PCDH7: variants seen among roughly 807,000 people sequenced by gnomAD.
PCDH7 encodes protocadherin 7, also known as protocadherin-7.
PCDH7 carries 17 observed loss-of-function variants against 58.9 expected under a neutral mutation model. The ratio of observed to expected loss-of-function variants is 0.29; its 90% CI spans 0.20 to 0.43. The LOEUF is 0.43. Ranked by LOEUF, PCDH7 falls within the 20% of genes least tolerant of loss-of-function variation. PCDH7 has a pLI of 1.00. For missense variants in PCDH7, 1,274 were observed against 1,441.0 expected (o/e 0.88, Z 1.88); for synonymous variants, 664 against 616.4 (o/e 1.08, Z -1.14).
intron 1 of PCDH7, among the ~76,000 whole-genome samples, chr4:30,825,074 T>C (rs1205826022): frequency 1.3e-5 from 2 of 152,140 alleles, no homozygotes; most frequent in Non-Finnish European, 2.9e-5. Context: ...ACCCATACCA[T>C]TTATTTTAAG....
chr4:31,085,837 TTC>T (rs376691150), intron 3 of PCDH7, among the ~76,000 whole-genome samples: 33 of 145,450 alleles, frequency 2.3e-4, no homozygotes, highest in Middle Eastern at 7.2e-3. Context: ...TCAGACTCTT[TTC>T]TCTCTCTCTC....
intron 3 of PCDH7, among the ~76,000 whole-genome samples, chr4:30,950,831 C>T (rs1747284097): frequency 6.6e-6 from 1 of 152,136 alleles, no homozygotes; most frequent in South Asian, 2.1e-4. Context: ...GGACTAGGGA[C>T]TGTTTGTTCA....
intron 1 of PCDH7, among the ~76,000 whole-genome samples, chr4:30,768,418 G>T (rs1431484396): frequency 2.0e-5 from 3 of 149,292 alleles, no homozygotes; most frequent in African/African-American, 7.5e-5. Context: ...AGGTCGAGTG[G>T]ATAGCCTCAG....
intron 1 of PCDH7, among the ~76,000 whole-genome samples, chr4:30,777,734 C>T (rs1361183608): frequency 6.6e-6 from 1 of 152,062 alleles, no homozygotes; most frequent in Non-Finnish European, 1.5e-5. Context: ...CTTTCATTTA[C>T]TACGTTACAT....
intron 1 of PCDH7, among the ~76,000 whole-genome samples, chr4:30,866,824 C>T (rs1734941099): frequency 3.9e-5 from 6 of 152,060 alleles, no homozygotes; most frequent in Admixed American, 3.9e-4. Context: ...AGATGAAACC[C>T]TTCTGCAGCC....
intron 1 of PCDH7, among the ~76,000 whole-genome samples, chr4:30,884,063 T>C (rs1343519140): frequency 5.3e-5 from 8 of 152,196 alleles, no homozygotes; most frequent in Non-Finnish European, 1.0e-4. Context: ...TTTATTTTAA[T>C]ATTACATATT....
intron 3 of PCDH7, among the ~76,000 whole-genome samples, chr4:31,015,782 C>G (rs1174441445): frequency 6.6e-6 from 1 of 152,178 alleles, no homozygotes. Flanking sequence ...ACTTTCCAAA[C>G]TACCCAGCAT....
At chr4:30,809,545 A>G (rs112556012) in intron 1 of PCDH7, among the ~76,000 whole-genome samples, 89 of 152,336 alleles carry the variant, frequency 5.8e-4, no homozygotes, top group African/African-American at 1.5e-3. Flanking sequence ...CCCCTTCTAG[A>G]ACTCAGAGGT....
rs200109804 is a variant in PCDH7, at chr4:30,790,120, A to AT, written c.70+65531dup. ...CTTGCTTTTGGTTTTAGTTCTTGTT[A>AT]TTTTTTTGAATGCTATTATTTCACT... is the stretch of plus-strand genomic sequence containing the variant. On this transcript the variant is annotated intron_variant, in intron 1 of 3. Transcript: ENST00000509759. Among the ~76,000 whole-genome samples, 802 of 152,252 alleles carry AT rather than the reference A, an allele frequency of 5.3e-3. 6 individuals carry two copies. The highest frequency in any genetic ancestry group is 0.016 in the African/African-American group (673 of 41,552).
rs1050755384 is a variant in PCDH7, at chr4:30,721,929, C to T, written c.507C>T (p.Asp169=). The T allele has an allele frequency of 1.9e-6, 3 of 1,568,030 alleles. No individual in the cohort carries two copies. The highest frequency in any genetic ancestry group is 2.6e-6 in the Non-Finnish European group (3 of 1,161,938). Residue 169 remains aspartate, a synonymous_variant, in exon 1 of 2, where the codon GAC becomes GAT. Transcript: ENST00000361762. The surrounding 1 kb of genome is among the most constrained non-coding windows in gnomAD (Gnocchi z 6.7). Reference sequence around the variant, plus strand: ...TTTACCTGCTGCCCACAGCCACCGACCGCGACTTCGGCCGCAACGGCATCG... The same window carrying T: ...TTTACCTGCTGCCCACAGCCACCGATCGCGACTTCGGCCGCAACGGCATCG...
chr4:30,854,755 G>A (rs1317175332), intron 1 of PCDH7, among the ~76,000 whole-genome samples: 1 of 151,970 alleles, frequency 6.6e-6, no homozygotes, highest in East Asian at 1.9e-4. Context: ...GTTGTTGTTG[G>A]TTACCATGGA....
At chr4:30,947,830 C>T (rs1045453339) in intron 2 of PCDH7, among the ~76,000 whole-genome samples, 1 of 152,084 alleles carries the variant, frequency 6.6e-6, no homozygotes, top group Non-Finnish European at 1.5e-5. Context: ...AATTCTGCAT[C>T]CTTTAACAAA....
At chr4:30,826,436 C>A (rs1194513323) in intron 1 of PCDH7, among the ~76,000 whole-genome samples, 1 of 151,874 alleles carries the variant, frequency 6.6e-6, no homozygotes, top group Non-Finnish European at 1.5e-5. Flanking sequence ...CAATAATCCA[C>A]CCTCGGTCCA....
At chr4:30,943,428 G>A (rs1746292679) in intron 2 of PCDH7, among the ~76,000 whole-genome samples, 1 of 152,160 alleles carries the variant, frequency 6.6e-6, no homozygotes, top group Non-Finnish European at 1.5e-5. Context: ...AAGGATTACA[G>A]TATTTAAGTG....
chr4:30,883,856 C>A (rs772402118), intron 1 of PCDH7, among the ~76,000 whole-genome samples: 1 of 152,130 alleles, frequency 6.6e-6, no homozygotes, highest in Non-Finnish European at 1.5e-5. Context: ...CAACATGACT[C>A]AGTTTTTCTG....
intron 3 of PCDH7, among the ~76,000 whole-genome samples, chr4:30,970,923 C>G (rs1269254827): frequency 6.6e-6 from 1 of 152,184 alleles, no homozygotes; most frequent in Admixed American, 6.5e-5. Flanking sequence ...ACAGTGAGTT[C>G]ATACACAAAT....
rs114038654 is a variant in PCDH7 at position 31,141,427 on chromosome 4, G to A, written c.*8-1046G>A. Among the ~76,000 whole-genome samples, 825 of 152,236 alleles carry A rather than the reference G, an allele frequency of 5.4e-3. 7 individuals are homozygous for A. The highest frequency in any genetic ancestry group is 0.019 in the African/African-American group (773 of 41,550). Reference sequence around the variant, plus strand: ...AAACATTTTAAATAAAACCCTTCAGGTTATTGCCTCAGAATCTGTTGAAGT... The same window carrying A: ...AAACATTTTAAATAAAACCCTTCAGATTATTGCCTCAGAATCTGTTGAAGT... On this transcript the variant is annotated intron_variant, in intron 3 of 3. Coordinates refer to the PCDH7 transcript ENST00000509759.
At chr4:31,047,236 G>A (rs992089464) in intron 3 of PCDH7, among the ~76,000 whole-genome samples, 1 of 151,982 alleles carries the variant, frequency 6.6e-6, no homozygotes, top group African/African-American at 2.4e-5. Context: ...ATAACTTCAT[G>A]TGGATTTCTC....
chr4:30,958,695 T>C (rs886458961), intron 3 of PCDH7, among the ~76,000 whole-genome samples: 14 of 152,028 alleles, frequency 9.2e-5, no homozygotes, highest in African/African-American at 3.4e-4. Flanking sequence ...TGGTACATAA[T>C]GTAGCATTTT....
Sources: gnomAD v4.1 joint callset for allele counts (sites outside exome capture counted in the v4.1 genomes callset) on GRCh38, gnomAD v4.1.1 for gene constraint, Gnocchi (gnomAD v3.1) non-coding constraint, MANE v1.5 for transcripts, NCBI Gene and HGNC (gene_info 2026-07-23, HGNC 2026-07-21) for gene names.